Variants in SNX3 observed in about 807,000 individuals in gnomAD.
SNX3 encodes the protein sorting nexin 3.
In SNX3, 5 loss-of-function variants were observed where a neutral mutation model predicts 17.7. That is an observed-to-expected ratio of 0.28 (90% CI 0.15 to 0.59). The LOEUF (loss-of-function observed/expected upper bound fraction) is 0.59, where lower values mean the gene tolerates loss of function less well. Ranked by LOEUF, SNX3 falls within the 20% of genes least tolerant of loss-of-function variation. The probability of loss-of-function intolerance (pLI) is 0.88; values close to 1 mark genes in which losing one functional copy is unlikely to be tolerated. For missense variants in SNX3, 132 were observed against 206.8 expected (o/e 0.64, Z 2.22); for synonymous variants, 91 against 76.5 (o/e 1.19, Z -0.99).
intron 1 of SNX3, among the ~76,000 whole-genome samples, chr6:108,257,344 T>A (rs1776060013): frequency 6.6e-6 from 1 of 151,910 alleles, no homozygotes; most frequent in African/African-American, 2.4e-5. Context: ...ACATAGCAAG[T>A]CTCATCTGAC....
chr6:108,237,443 A>G (rs941675561), intron 1 of SNX3, among the ~76,000 whole-genome samples: 1 of 152,204 alleles, frequency 6.6e-6, no homozygotes, highest in Admixed American at 6.5e-5. Context: ...AGCCATTAAA[A>G]TGATGTTACT....
At chr6:108,247,600 T>C (rs1020301055) in intron 1 of SNX3, among the ~76,000 whole-genome samples, 1 of 152,028 alleles carries the variant, frequency 6.6e-6, no homozygotes, top group Non-Finnish European at 1.5e-5. Context: ...CAGGCTGGTC[T>C]TGAACACCTG....
chr6:108,238,534 G>A (rs1775423452), intron 1 of SNX3, among the ~76,000 whole-genome samples: 1 of 152,026 alleles, frequency 6.6e-6, no homozygotes. Flanking sequence ...GGAGCCTGAG[G>A]TAGGCGGATC....
intron 1 of SNX3, among the ~76,000 whole-genome samples, chr6:108,258,292 T>C (rs1582518898): frequency 6.6e-6 from 1 of 150,888 alleles, no homozygotes. Context: ...ATCCCATCTC[T>C]ACTAAAAATA....
At chr6:108,256,585 T>C (rs534848) in intron 1 of SNX3, among the ~76,000 whole-genome samples, 40,916 of 152,126 alleles carry the variant, frequency 0.27, 7,875 homozygotes, top group African/African-American at 0.53. Context: ...TGATTTTGTA[T>C]CTTACCCAGC....
intron 1 of SNX3, among the ~76,000 whole-genome samples, chr6:108,237,789 CA>C (rs552761335): frequency 5.5e-4 from 76 of 137,946 alleles, no homozygotes; most frequent in Non-Finnish European, 6.0e-4. Context: ...GACTCTATTT[CA>C]AAAAAAAAAA....
rs1562422489 is a variant in SNX3 at position 108,223,058 on chromosome 6, AAGTT to A, written c.163-17_163-14del. On this transcript the variant is annotated splice_polypyrimidine_tract_variant and intron_variant, in intron 1 of 3. Transcript: ENST00000230085. The stretch of plus-strand genomic sequence containing the variant: ...TAGGAAGATTTGTCTGAAACAAAAA[AAGTT>A]AGTCCTAAATTGAAGCACATTAAGG... 4 of 1,487,530 alleles carry A rather than the reference AAGTT, an allele frequency of 2.7e-6. No homozygotes were observed. Among genetic ancestry groups the A allele is most frequent in the East Asian group, 2.3e-5 (1 of 44,360 alleles). 92.1% of individuals were successfully genotyped at this position (1,487,530 alleles called of 1,614,324 possible).
At chr6:108,250,833 A>G (rs1775833607) in intron 1 of SNX3, among the ~76,000 whole-genome samples, 1 of 152,246 alleles carries the variant, frequency 6.6e-6, no homozygotes, top group African/African-American at 2.4e-5. Context: ...TGATAAAATC[A>G]AAGTTTACAG....
intron 1 of SNX3, among the ~76,000 whole-genome samples, chr6:108,231,320 C>T (rs1054389199): frequency 6.6e-5 from 10 of 152,136 alleles, no homozygotes; most frequent in African/African-American, 2.2e-4. Flanking sequence ...CTCCTGACCT[C>T]GTGATCCACC....
At chr6:108,235,687 G>C (rs1008863307) in intron 1 of SNX3, among the ~76,000 whole-genome samples, 1 of 152,128 alleles carries the variant, frequency 6.6e-6, no homozygotes, top group Non-Finnish European at 1.5e-5. Flanking sequence ...CTTGAGGTCA[G>C]GAGATCACGA....
chr6:108,225,276 C>T (rs770454232), intron 1 of SNX3, among the ~76,000 whole-genome samples: 14 of 150,554 alleles, frequency 9.3e-5, no homozygotes, highest in South Asian at 2.1e-4. Context: ...AGCGAGACTC[C>T]GTCTCCAAAA....
At chr6:108,217,173 G>A (rs1774612304) in intron 2 of SNX3, among the ~76,000 whole-genome samples, 1 of 151,808 alleles carries the variant, frequency 6.6e-6, no homozygotes. Context: ...ATAGCTCAAG[G>A]ATGTCAGTTA....
chr6:108,217,563 T>G (rs532089111), intron 2 of SNX3, among the ~76,000 whole-genome samples: 80 of 152,172 alleles, frequency 5.3e-4, no homozygotes, highest in Admixed American at 9.8e-4. Flanking sequence ...AAGACCAGCC[T>G]GGCCAACATG....
chr6:108,222,838 A>G, intron 2 of SNX3, 112 bp downstream of exon 2: 1 of 715,470 alleles, frequency 1.4e-6, no homozygotes, highest in South Asian at 1.6e-5. Flanking sequence ...ATTTGAAAAA[A>G]AGAAATCATA....
intron 1 of SNX3, among the ~76,000 whole-genome samples, chr6:108,246,119 G>A (rs1775680628): frequency 6.6e-6 from 1 of 151,948 alleles, no homozygotes; most frequent in Non-Finnish European, 1.5e-5. Context: ...TTTTGCATAA[G>A]GTGTTAAGGA....
At chr6:108,254,638 T>A (rs919449963) in intron 1 of SNX3, among the ~76,000 whole-genome samples, 10 of 152,216 alleles carry the variant, frequency 6.6e-5, no homozygotes, top group African/African-American at 2.4e-4. Context: ...TGACAGTCCC[T>A]GTCCTCTAAG....
chr6:108,250,498 T>C (rs183807668), intron 1 of SNX3, among the ~76,000 whole-genome samples: 11 of 152,340 alleles, frequency 7.2e-5, no homozygotes, highest in African/African-American at 2.4e-4. Context: ...AAGAATGTCC[T>C]CAGTTATATA....
At chr6:108,236,598 C>T (rs1244699148) in intron 1 of SNX3, among the ~76,000 whole-genome samples, 2 of 151,114 alleles carry the variant, frequency 1.3e-5, no homozygotes, top group African/African-American at 2.4e-5. Flanking sequence ...TTTTTTTAGC[C>T]GGGATGGTCT....
At chr6:108,247,666 G>A (rs1179822863) in intron 1 of SNX3, among the ~76,000 whole-genome samples, 1 of 152,090 alleles carries the variant, frequency 6.6e-6, no homozygotes, top group African/African-American at 2.4e-5. Flanking sequence ...ATAGGCATGA[G>A]CCACCACGCC....
Sources: gnomAD v4.1 joint callset for allele counts (sites outside exome capture counted in the v4.1 genomes callset) on GRCh38, gnomAD v4.1.1 for gene constraint, MANE v1.5 for transcripts, NCBI Gene and HGNC (gene_info 2026-07-23, HGNC 2026-07-21) for gene names.